Variants in SLC9A9 observed in about 807,000 individuals in gnomAD.
SLC9A9 encodes the protein solute carrier family 9 member A9.
A neutral mutation model predicts 77.8 loss-of-function variants in SLC9A9; 62 were observed. That is an observed-to-expected ratio of 0.80 (90% CI 0.65 to 0.98). The LOEUF (loss-of-function observed/expected upper bound fraction) is 0.98, where lower values mean the gene tolerates loss of function less well. Ranked by LOEUF, SLC9A9 falls within the 50% of genes least tolerant of loss-of-function variation. The pLI, the probability that SLC9A9 is intolerant of heterozygous loss-of-function variation, is 0.00. For synonymous variants in SLC9A9, 320 were observed against 283.5 expected, an observed-to-expected ratio of 1.13 and a Z score of -1.29; for missense variants, 775 against 774.9, an observed-to-expected ratio of 1.00 and a Z score of 0.00.
chr3:143,569,982 T>A (rs938731667), intron 8 of SLC9A9, among the ~76,000 whole-genome samples: 10 of 151,748 alleles, frequency 6.6e-5, no homozygotes, highest in African/African-American at 2.4e-4. Flanking sequence ...GATACTTTTT[T>A]TTTTTTAGAG....
intron 7 of SLC9A9, 103 bp downstream of exon 7, chr3:143,578,482 A>T: frequency 1.3e-6 from 2 of 1,561,350 alleles, no homozygotes; most frequent in Non-Finnish European, 1.8e-6. Flanking sequence ...GGACCAGACT[A>T]TCTAGCCTTT....
intron 6 of SLC9A9, among the ~76,000 whole-genome samples, chr3:143,638,315 C>A (rs1243614668): frequency 2.6e-5 from 4 of 152,206 alleles, no homozygotes; most frequent in African/African-American, 9.6e-5. Context: ...TAGAATTTGA[C>A]TTTCATATAT....
chr3:143,429,692 G>A (rs1238579820), intron 12 of SLC9A9, among the ~76,000 whole-genome samples: 1 of 152,180 alleles, frequency 6.6e-6, no homozygotes, highest in East Asian at 1.9e-4. Flanking sequence ...GAGAGGAGGG[G>A]AGTGCACACC....
At chr3:143,736,807 T>C (rs1219610052) in intron 4 of SLC9A9, among the ~76,000 whole-genome samples, 3 of 152,180 alleles carry the variant, frequency 2.0e-5, no homozygotes, top group South Asian at 2.1e-4. Context: ...AACATGATAA[T>C]GGGCCAGTAA....
chr3:143,325,226 A>T (rs562604596), intron 14 of SLC9A9, among the ~76,000 whole-genome samples: 2 of 152,242 alleles, frequency 1.3e-5, no homozygotes, highest in African/African-American at 4.8e-5. Flanking sequence ...CAGATTATCC[A>T]CACCTGTAAA....
At chr3:143,691,202 G>A (rs545588740) in intron 5 of SLC9A9, among the ~76,000 whole-genome samples, 5 of 152,050 alleles carry the variant, frequency 3.3e-5, no homozygotes, top group South Asian at 2.1e-4. Flanking sequence ...TGGAACTACC[G>A]AAGTGCACCA....
chr3:143,318,985 T>A (rs1420367582), intron 14 of SLC9A9, among the ~76,000 whole-genome samples: 3 of 152,206 alleles, frequency 2.0e-5, no homozygotes, highest in Non-Finnish European at 4.4e-5. Flanking sequence ...TATCTTGACC[T>A]TGATTTCTTA....
At chr3:143,580,695 A>G (rs2037437301) in intron 6 of SLC9A9, among the ~76,000 whole-genome samples, 1 of 152,242 alleles carries the variant, frequency 6.6e-6, no homozygotes, top group African/African-American at 2.4e-5. Flanking sequence ...ACTGATCTGT[A>G]GTCTGCACTT....
chr3:143,324,565 T>C (rs1345163171), intron 14 of SLC9A9, among the ~76,000 whole-genome samples: 2 of 152,164 alleles, frequency 1.3e-5, no homozygotes, highest in Admixed American at 6.5e-5. Context: ...CTCATGCCTG[T>C]AATCCCAGCA....
intron 5 of SLC9A9, among the ~76,000 whole-genome samples, chr3:143,678,634 C>T (rs1932967151): frequency 6.6e-6 from 1 of 152,090 alleles, no homozygotes; most frequent in African/African-American, 2.4e-5. Context: ...TTATTTTTTA[C>T]TGGTCTTGTG....
chr3:143,598,147 G>A (rs987158886), intron 6 of SLC9A9, among the ~76,000 whole-genome samples: 2 of 151,948 alleles, frequency 1.3e-5, no homozygotes, highest in Admixed American at 1.3e-4. Flanking sequence ...GTAAAATCCA[G>A]TATAAGGGAC....
chr3:143,645,512 C>T (rs986119774), intron 6 of SLC9A9, among the ~76,000 whole-genome samples: 3 of 152,142 alleles, frequency 2.0e-5, no homozygotes, highest in Admixed American at 6.5e-5. Context: ...CATACTGATC[C>T]TCAGTACATT....
At chr3:143,395,083 A>G (rs568611187) in intron 12 of SLC9A9, among the ~76,000 whole-genome samples, 10 of 152,352 alleles carry the variant, frequency 6.6e-5, no homozygotes, top group African/African-American at 2.4e-4. Flanking sequence ...TTCTTCACAG[A>G]ATTGGAAAAA....
intron 5 of SLC9A9, among the ~76,000 whole-genome samples, chr3:143,675,840 A>T (rs1337886594): frequency 2.0e-5 from 3 of 152,128 alleles, no homozygotes; most frequent in African/African-American, 7.2e-5. Context: ...GTTTGCTTTA[A>T]TAGTCTTTTT....
chr3:143,338,504 G>A (rs1011954337), intron 14 of SLC9A9, among the ~76,000 whole-genome samples: 5 of 152,108 alleles, frequency 3.3e-5, no homozygotes, highest in African/African-American at 1.2e-4. Flanking sequence ...ATTTATTTCC[G>A]ATTAAATCAT....
intron 14 of SLC9A9, among the ~76,000 whole-genome samples, chr3:143,271,355 G>T (rs535915636): frequency 6.6e-6 from 1 of 152,338 alleles, no homozygotes; most frequent in African/African-American, 2.4e-5. Context: ...TGCCAGCCCT[G>T]CCACTTTACT....
chr3:143,629,364 A>G (rs1410479515), intron 6 of SLC9A9, among the ~76,000 whole-genome samples: 1 of 152,202 alleles, frequency 6.6e-6, no homozygotes, highest in Non-Finnish European at 1.5e-5. Context: ...AGTTTAAAAT[A>G]TATTAGGGAA....
At chr3:143,531,792 G>A (rs941259830) in intron 9 of SLC9A9, among the ~76,000 whole-genome samples, 3 of 152,158 alleles carry the variant, frequency 2.0e-5, no homozygotes, top group Non-Finnish European at 2.9e-5. Flanking sequence ...ATAAACTTAC[G>A]TGTAGGGACG....
intron 12 of SLC9A9, among the ~76,000 whole-genome samples, chr3:143,410,307 T>A (rs2034068595): frequency 6.6e-6 from 1 of 152,204 alleles, no homozygotes; most frequent in African/African-American, 2.4e-5. Context: ...CTATAATAGA[T>A]TTATAGTGAG....
Sources: allele counts gnomAD v4.1 joint callset (sites outside exome capture counted in the v4.1 genomes callset), GRCh38; gene constraint gnomAD v4.1.1; transcripts MANE v1.5; gene names NCBI Gene and HGNC (gene_info 2026-07-23, HGNC 2026-07-21).